OGDH: variants seen among roughly 807,000 people sequenced by gnomAD.
OGDH encodes the protein 2-oxoglutarate dehydrogenase complex component E1.
A neutral mutation model predicts 116.6 loss-of-function variants in OGDH; 38 were observed. The observed-to-expected ratio is 0.33, with a 90% CI of 0.25 to 0.43. The LOEUF is 0.43. Among genes scored for constraint, OGDH ranks in the 20% least tolerant of loss-of-function variants. The pLI is 1.00. For missense variants in OGDH, 825 were observed against 1,357.2 expected, an observed-to-expected ratio of 0.61 and a Z score of 6.16; for synonymous variants, 488 against 533.3, an observed-to-expected ratio of 0.92 and a Z score of 1.17.
Position 44,696,984 on chromosome 7 carries a change from G to A in OGDH, c.1971G>A (p.Glu657=), listed in dbSNP as rs774482455. 1 of 1,614,250 alleles carries A rather than the reference G, an allele frequency of 6.2e-7. No homozygotes were observed. Among genetic ancestry groups the A allele is most frequent in the Non-Finnish European group, 8.5e-7 (1 of 1,180,038 alleles). The change falls in exon 15 of 23, where the codon GAG becomes GAA. Residue 657 remains glutamate (E), a synonymous_variant. Coordinates refer to ENST00000222673, the MANE Select transcript of OGDH (RefSeq NM_002541.4). ...GGACTGTGGACTGGGCTCTAGCGGAGTACATGGCGTTTGGCTCGCTCCTGA... is the reference window on the plus strand; with the variant it reads ...GGACTGTGGACTGGGCTCTAGCGGAATACATGGCGTTTGGCTCGCTCCTGA... ...KNRTVDWALA[E]YMAFGSLLKE...
At chr7:44,653,589 C>A (rs1416339759) in intron 4 of OGDH, among the ~76,000 whole-genome samples, 1 of 151,692 alleles carries the variant, frequency 6.6e-6, no homozygotes, top group Non-Finnish European at 1.5e-5. Context: ...TGCAGTGGCA[C>A]GATCTCGACT....
chr7:44,672,651 T>TG (rs999735149), intron 5 of OGDH, among the ~76,000 whole-genome samples: 1 of 149,680 alleles, frequency 6.7e-6, no homozygotes, highest in African/African-American at 2.5e-5. Context: ...TTTGTTTTTT[T>TG]TTTTTTTTTG....
chr7:44,674,092 G>A (rs740040), intron 6 of OGDH, 151 bp downstream of exon 6: 62,268 of 889,382 alleles, frequency 0.07, 7,906 homozygotes, highest in African/African-American at 0.37. Flanking sequence ...TGTGTGAAGA[G>A]ACACCAGACA....
chr7:44,621,156 C>G (rs989481195), intron 1 of OGDH, among the ~76,000 whole-genome samples: 2 of 152,164 alleles, frequency 1.3e-5, no homozygotes, highest in South Asian at 2.1e-4. Context: ...TTACTGAAGC[C>G]TTGACCTCCT....
intron 1 of OGDH, among the ~76,000 whole-genome samples, chr7:44,622,342 T>A (rs1481574591): frequency 6.6e-6 from 1 of 152,236 alleles, no homozygotes; most frequent in Non-Finnish European, 1.5e-5. Context: ...CCGAATTAAC[T>A]TAAAACTTTT....
intron 2 of OGDH, among the ~76,000 whole-genome samples, chr7:44,630,357 T>C (rs569473312): frequency 1.3e-5 from 2 of 152,328 alleles, no homozygotes; most frequent in East Asian, 3.9e-4. Context: ...TCTGATGTGC[T>C]CATAAGGAGA....
intron 9 of OGDH, among the ~76,000 whole-genome samples, chr7:44,678,727 G>C (rs1787803630): frequency 6.6e-6 from 1 of 152,166 alleles, no homozygotes; most frequent in East Asian, 1.9e-4. Context: ...TCAGTGTGGG[G>C]TCATTGCAGG....
At chr7:44,665,647 CAAT>C (rs999855082) in intron 4 of OGDH, among the ~76,000 whole-genome samples, 10 of 152,166 alleles carry the variant, frequency 6.6e-5, no homozygotes, top group Non-Finnish European at 1.3e-4. Context: ...GGCCAGGAAA[CAAT>C]AAGAACATTT....
intron 4 of OGDH, among the ~76,000 whole-genome samples, chr7:44,648,929 G>C (rs1012142021): frequency 2.0e-5 from 3 of 152,120 alleles, no homozygotes; most frequent in African/African-American, 7.2e-5. Flanking sequence ...CCCAAGAAGA[G>C]GGCCTCTCTT....
At position 44,645,440 on chromosome 7, in the gene OGDH, C is replaced by T; in HGVS notation, c.336C>T (p.Ser112=). The T allele has an allele frequency of 1.9e-6, 3 of 1,614,202 alleles. No individual in the cohort carries two copies. The change falls in exon 3 of 23, where the codon TCC becomes TCT. Residue 112 remains serine (S), a synonymous_variant. Coordinates refer to ENST00000222673, the MANE Select transcript of OGDH (RefSeq NM_002541.4). ...TGGCTGCTGTGGCCCATGCACAGTC[C>T]CTGGTAGAAGCACAGCCCAACGTGG... The part of the protein sequence containing the change: ...GSLAAVAHAQ[S]LVEAQPNVDK...
rs114749525 is a variant in OGDH, at chr7:44,707,765, T to C, written c.2951+29T>C. The stretch of plus-strand genomic sequence containing the variant: ...AGGCTTCAGTCCCTGCCAGGAAGGC[T>C]GTGGGACCCTCCCCTCAGGCCAGTA... On this transcript the variant is annotated intron_variant, in intron 22 of 22. Transcript: ENST00000222673. This position sits in a 1 kb window ranked among gnomAD's most constrained non-coding sequence, Gnocchi z 5.2. The C allele has an allele frequency of 2.0e-3, 3,272 of 1,613,808 alleles. 56 individuals are homozygous for C. The African/African-American group carries it at 0.039, about 19-fold the overall frequency.
intron 20 of OGDH, among the ~76,000 whole-genome samples, chr7:44,702,772 A>G (rs1033944020): frequency 4.0e-5 from 6 of 151,790 alleles, no homozygotes; most frequent in Non-Finnish European, 8.8e-5. Flanking sequence ...TTGTTTTTGT[A>G]TTTTTAGTAG....
In OGDH at chr7:44,675,375, C is replaced by T. The variant is rs1787648172; in HGVS notation, c.1026+107C>T. The T allele has an allele frequency of 5.0e-5, 46 of 921,318 alleles. No individual in the cohort carries two copies. The South Asian group carries it at 6.0e-4, about 12-fold the overall frequency. The allele number at this position is 921,318 out of a possible 1,614,324, so 57.1% of individuals were successfully genotyped here. A position where few individuals can be genotyped will look rare whatever the true frequency, so the allele number is the denominator to read the frequency against. On this transcript the variant is annotated intron_variant, in intron 8 of 22. Coordinates refer to ENST00000222673, the MANE Select transcript of OGDH (RefSeq NM_002541.4). ...TTACGGGGGGTTGGTTCTTCTGTACCATTTGTGATTTGCCTTCCTTGTTGG... is the reference window on the plus strand; with the variant it reads ...TTACGGGGGGTTGGTTCTTCTGTACTATTTGTGATTTGCCTTCCTTGTTGG...
chr7:44,698,336 A>G (rs1223435548), intron 18 of OGDH, 73 bp downstream of exon 18: 2 of 1,474,628 alleles, frequency 1.4e-6, no homozygotes, highest in East Asian at 2.3e-5. Context: ...AGAGCAATCT[A>G]TCTGGTCATC....
In OGDH at chr7:44,705,787, G is replaced by C. The variant is rs1789044655; in HGVS notation, c.2633-1438G>C. On this transcript the variant is annotated intron_variant, in intron 20 of 22. Transcript: ENST00000222673. Reference sequence around the variant, plus strand: ...ATTGTTAGTGTATAGAAACACAACTGGTTTTGGTTACGTGCATATGATGCG... The same window carrying C: ...ATTGTTAGTGTATAGAAACACAACTCGTTTTGGTTACGTGCATATGATGCG... Among the ~76,000 whole-genome samples, 3 of 152,144 alleles carry C rather than the reference G, an allele frequency of 2.0e-5. No homozygotes were observed. The South Asian group carries it at 6.2e-4, about 31-fold the overall frequency.
chr7:44,675,372 T>C (rs974705361), intron 8 of OGDH, 104 bp downstream of exon 8: 1 of 941,432 alleles, frequency 1.1e-6, no homozygotes, highest in Non-Finnish European at 1.7e-6. Context: ...GGTTCTTCTG[T>C]ACCATTTGTG....
intron 1 of OGDH, among the ~76,000 whole-genome samples, chr7:44,609,298 A>G (rs952938503): frequency 1.2e-4 from 18 of 145,934 alleles, no homozygotes; most frequent in Non-Finnish European, 1.8e-4. Context: ...CTTGAGCCCC[A>G]GGAGTTCGAG....
intron 2 of OGDH, among the ~76,000 whole-genome samples, chr7:44,643,371 T>C (rs1786034461): frequency 6.6e-6 from 1 of 152,178 alleles, no homozygotes; most frequent in South Asian, 2.1e-4. Context: ...AAATACATGC[T>C]TATTATAGAA....
At chr7:44,654,793 C>G (rs1330715476) in intron 4 of OGDH, among the ~76,000 whole-genome samples, 1 of 152,278 alleles carries the variant, frequency 6.6e-6, no homozygotes, top group Admixed American at 6.5e-5. Context: ...CCCCTAGTTC[C>G]CAGCGTCACA....
Sources: gnomAD v4.1 joint callset for allele counts (sites outside exome capture counted in the v4.1 genomes callset) on GRCh38, gnomAD v4.1.1 for gene constraint, Gnocchi (gnomAD v3.1) non-coding constraint, MANE v1.5 for transcripts, NCBI Gene and HGNC (gene_info 2026-07-23, HGNC 2026-07-21) for gene names.